The following IL1RAPL2 variants were observed in gnomAD, a reference collection of about 807,000 sequenced individuals.
The protein encoded by IL1RAPL2 is X-linked interleukin-1 receptor accessory protein-like 2.
A neutral mutation model predicts 44.1 loss-of-function variants in IL1RAPL2; 3 were observed. The observed-to-expected ratio is 0.07, with a 90% CI of 0.03 to 0.18. The LOEUF is 0.18. Ranked by LOEUF, IL1RAPL2 falls within the 10% of genes least tolerant of loss-of-function variation. The probability of loss-of-function intolerance (pLI) is 1.00; values close to 1 mark genes in which losing one functional copy is unlikely to be tolerated. For synonymous variants in IL1RAPL2, 181 were observed against 178.8 expected, an observed-to-expected ratio of 1.01 and a Z score of -0.10; for missense variants, 391 against 496.4, an observed-to-expected ratio of 0.79 and a Z score of 2.02.
intron 2 of IL1RAPL2, among the ~76,000 whole-genome samples, chrX:104,668,261 C>T (rs1930521134): frequency 9.0e-6 from 1 of 110,608 alleles, no homozygotes; most frequent in Non-Finnish European, 1.9e-5. Context: ...GATTGGAAGG[C>T]AGGGGGCAAG....
intron 2 of IL1RAPL2, among the ~76,000 whole-genome samples, chrX:104,894,215 C>T (rs1018368033): frequency 9.0e-6 from 1 of 111,670 alleles, no homozygotes; most frequent in African/African-American, 3.3e-5. Context: ...CTGCCCTTAA[C>T]ATTTTTTCCT....
chrX:104,840,794 C>T (rs1456404208), intron 2 of IL1RAPL2, among the ~76,000 whole-genome samples: 4 of 110,272 alleles, frequency 3.6e-5, no homozygotes, highest in Non-Finnish European at 5.7e-5. Flanking sequence ...CCTGCCTCAG[C>T]CTCCCGAGTA....
At chrX:105,426,098 G>T (rs184614430) in intron 5 of IL1RAPL2, among the ~76,000 whole-genome samples, 1 of 103,361 alleles carries the variant, frequency 9.7e-6, no homozygotes, top group Non-Finnish European at 2.0e-5. Context: ...TTAATTAATT[G>T]TTTTGCTCCC....
chrX:104,684,677 G>A (rs1389180758), intron 2 of IL1RAPL2, among the ~76,000 whole-genome samples: 1 of 112,423 alleles, frequency 8.9e-6, no homozygotes, highest in Non-Finnish European at 1.9e-5. Flanking sequence ...TGCAGGAGAA[G>A]ATGATTGGCA....
At chrX:104,647,594 G>C (rs1930067881) in intron 1 of IL1RAPL2, 1 of 520,218 alleles carries the variant, frequency 1.9e-6, no homozygotes, top group Non-Finnish European at 3.5e-6. Context: ...TAGTTCTCCA[G>C]CATCAAAGTG....
chrX:105,124,416 G>A (rs1340348314), intron 2 of IL1RAPL2, among the ~76,000 whole-genome samples: 1 of 110,534 alleles, frequency 9.0e-6, no homozygotes, highest in African/African-American at 3.3e-5. Flanking sequence ...CAAAGTCATG[G>A]CGTCAAGATT....
At chrX:105,276,698 A>G (rs184890028) in intron 5 of IL1RAPL2, among the ~76,000 whole-genome samples, 2 of 112,293 alleles carry the variant, frequency 1.8e-5, no homozygotes, top group Admixed American at 1.9e-4. Context: ...TAAATTCAAC[A>G]TGGGGACTGC....
In IL1RAPL2 at chrX:105,083,208, T is replaced by C. The variant is rs1028634282; in HGVS notation, c.83-112267T>C. Among the ~76,000 whole-genome samples the C allele has an allele frequency of 2.8e-5, 3 of 108,614 alleles. No individual in the cohort carries two copies. The South Asian group carries it at 1.2e-3, about 44-fold the overall frequency. 94.3% of individuals were successfully genotyped at this position (108,614 alleles called of 115,157 possible). A position where few individuals can be genotyped will look rare whatever the true frequency, so the allele number is the denominator to read the frequency against. ...AAGCAGAAGAAAAGATATCAGAGAC[T>C]GAATATCAACTTAATGAAATGAAGC... On this transcript the variant is annotated intron_variant, in intron 2 of 10. Transcript: ENST00000372582.
intron 6 of IL1RAPL2, among the ~76,000 whole-genome samples, chrX:105,581,936 G>A (rs894513946): frequency 9.9e-5 from 11 of 111,147 alleles, no homozygotes; most frequent in Admixed American, 8.6e-4. Context: ...GGATGATACT[G>A]GTGTTTTTTC....
chrX:104,844,400 T>C (rs1921989823), intron 2 of IL1RAPL2, among the ~76,000 whole-genome samples: 1 of 111,496 alleles, frequency 9.0e-6, no homozygotes, highest in Non-Finnish European at 1.9e-5. Context: ...GATTAAATGA[T>C]ATTTGAAAAC....
chrX:105,048,392 C>T (rs990318364), intron 2 of IL1RAPL2, among the ~76,000 whole-genome samples: 2 of 111,539 alleles, frequency 1.8e-5, no homozygotes, highest in Non-Finnish European at 3.8e-5. Flanking sequence ...ATAATGTGCA[C>T]TACATATGTA....
chrX:105,444,234 G>C (rs942260336), intron 5 of IL1RAPL2, among the ~76,000 whole-genome samples: 7 of 111,526 alleles, frequency 6.3e-5, no homozygotes, highest in African/African-American at 2.0e-4. Context: ...TATATATTCT[G>C]GTTATGAATC....
At chrX:104,633,805 T>C (rs1409654478) in intron 1 of IL1RAPL2, among the ~76,000 whole-genome samples, 7 of 111,483 alleles carry the variant, frequency 6.3e-5, no homozygotes, top group African/African-American at 2.3e-4. Flanking sequence ...CCTGGATTCA[T>C]TGATTTTTTT....
At chrX:105,088,104 ACT>A (rs2032500265) in intron 2 of IL1RAPL2, among the ~76,000 whole-genome samples, 1 of 112,064 alleles carries the variant, frequency 8.9e-6, no homozygotes, top group Non-Finnish European at 1.9e-5. Flanking sequence ...TGTTTGTTAA[ACT>A]CTTCCAGAAA....
intron 6 of IL1RAPL2, among the ~76,000 whole-genome samples, chrX:105,494,990 G>C (rs1380438804): frequency 1.8e-5 from 2 of 112,026 alleles, no homozygotes; most frequent in African/African-American, 6.5e-5. Context: ...CGGCAAGGTG[G>C]TAAGCAAAGA....
intron 2 of IL1RAPL2, among the ~76,000 whole-genome samples, chrX:104,964,453 A>G (rs926387920): frequency 1.8e-4 from 20 of 109,249 alleles, no homozygotes; most frequent in Non-Finnish European, 1.3e-4. Context: ...CTGGGACTAC[A>G]GGCGCCCGCC....
At chrX:104,748,019 G>A (rs537679939) in intron 2 of IL1RAPL2, among the ~76,000 whole-genome samples, 1 of 111,238 alleles carries the variant, frequency 9.0e-6, no homozygotes, top group East Asian at 2.9e-4. Flanking sequence ...TGTAAATTTA[G>A]CCAACATACA....
chrX:105,765,780 T>C (rs1393506909), intron 10 of IL1RAPL2, among the ~76,000 whole-genome samples: 4 of 112,905 alleles, frequency 3.5e-5, no homozygotes, highest in Non-Finnish European at 7.5e-5. Context: ...AGTTTCTCTT[T>C]TCAAATTGCT....
intron 2 of IL1RAPL2, among the ~76,000 whole-genome samples, chrX:104,895,487 G>GGC (rs1428337665): frequency 8.9e-6 from 1 of 112,587 alleles, no homozygotes; most frequent in African/African-American, 3.2e-5. Flanking sequence ...AGCAATGGCG[G>GGC]GCGCCACTCT....
Sources: gnomAD v4.1 joint callset for allele counts (sites outside exome capture counted in the v4.1 genomes callset) on GRCh38, gnomAD v4.1.1 for gene constraint, MANE v1.5 for transcripts, NCBI Gene and HGNC (gene_info 2026-07-23, HGNC 2026-07-21) for gene names.